Variants in ATP2B2 observed in about 807,000 individuals in gnomAD.
ATP2B2 encodes ATPase plasma membrane Ca2+ transporting 2.
In ATP2B2, 15 loss-of-function variants were observed where a neutral mutation model predicts 120.0. The observed-to-expected ratio is 0.12, with a 90% CI of 0.08 to 0.19. ATP2B2 has a LOEUF of 0.19. Among genes scored for constraint, ATP2B2 ranks in the 10% least tolerant of loss-of-function variants. The pLI, the probability that ATP2B2 is intolerant of heterozygous loss-of-function variation, is 1.00. For synonymous variants in ATP2B2, 694 were observed against 700.3 expected (o/e 0.99, Z 0.14); for missense variants, 1,045 against 1,719.8 (o/e 0.61, Z 6.94).
intron 1 of ATP2B2, among the ~76,000 whole-genome samples, chr3:10,671,301 G>T (rs1021118425): frequency 1.3e-5 from 2 of 152,192 alleles, no homozygotes; most frequent in African/African-American, 4.8e-5. Context: ...TTCAGCTATC[G>T]ACTGCTCTGT....
rs543791173 is a variant in ATP2B2 at position 10,662,043 on chromosome 3, C to G, written c.-459-42082G>C. Reference sequence around the variant, plus strand: ...AAATGGTGCCGGGAAAACTGGCTAGCCATATGTAGAAAGCTGAAACTGGAT... The same window carrying G: ...AAATGGTGCCGGGAAAACTGGCTAGGCATATGTAGAAAGCTGAAACTGGAT... On this transcript the variant is annotated intron_variant, in intron 1 of 21. Transcript: ENST00000646379. Among the ~76,000 whole-genome samples the G allele has an allele frequency of 5.3e-5, 8 of 152,200 alleles. No individual in the cohort carries two copies. The East Asian group carries it at 1.4e-3, about 26-fold the overall frequency.
intron 2 of ATP2B2, among the ~76,000 whole-genome samples, chr3:10,615,822 C>T (rs1373091375): frequency 6.6e-6 from 1 of 152,228 alleles, no homozygotes; most frequent in Non-Finnish European, 1.5e-5. Context: ...CTCACTTCTT[C>T]TCACTTCATG....
intron 2 of ATP2B2, among the ~76,000 whole-genome samples, chr3:10,414,421 G>A (rs1167923199): frequency 6.6e-6 from 1 of 152,124 alleles, no homozygotes; most frequent in African/African-American, 2.4e-5. Flanking sequence ...AGGTGTGGGG[G>A]TTGGGTGGGT....
At position 10,394,737 on chromosome 3, in the gene ATP2B2, C is replaced by T. The variant is rs2061977547; in HGVS notation, c.781+6216G>A. On this transcript the variant is annotated intron_variant, in intron 5 of 22. Transcript: ENST00000360273. ...GAGGGTTTACCGATGTCCTGCATGA[C>T]CTCATGCTGTTAGTGCTCTGGCTGG... 3.3e-5 allele frequency among the ~76,000 whole-genome samples: 5 copies of T among 151,690 alleles called. No homozygotes were observed. The South Asian group carries it at 1.1e-3, about 32-fold the overall frequency.
chr3:10,453,974 G>A (rs188695887), intron 1 of ATP2B2, among the ~76,000 whole-genome samples: 5 of 137,500 alleles, frequency 3.6e-5, no homozygotes, highest in African/African-American at 1.4e-4. Flanking sequence ...CCATGCACTC[G>A]CTCACTCACT....
intron 1 of ATP2B2, among the ~76,000 whole-genome samples, chr3:10,643,114 C>T (rs1212990059): frequency 6.6e-6 from 1 of 152,204 alleles, no homozygotes; most frequent in African/African-American, 2.4e-5. Context: ...AGGCATGTCA[C>T]AAGGACGCAA....
At chr3:10,487,303 C>T (rs1439320904) in intron 1 of ATP2B2, among the ~76,000 whole-genome samples, 7 of 152,048 alleles carry the variant, frequency 4.6e-5, no homozygotes, top group African/African-American at 1.7e-4. Flanking sequence ...CACAGATATA[C>T]ACCCCAAAAC....
chr3:10,330,970 G>GT (rs887412488), intron 22 of ATP2B2, among the ~76,000 whole-genome samples: 6 of 152,164 alleles, frequency 3.9e-5, no homozygotes, highest in Non-Finnish European at 8.8e-5. Flanking sequence ...GGATTGTCTT[G>GT]TTTTTTCTCC....
At chr3:10,358,592 T>G in intron 14 of ATP2B2, 99 bp downstream of exon 14, 1 of 1,154,384 alleles carries the variant, frequency 8.7e-7, no homozygotes, top group South Asian at 1.3e-5. Flanking sequence ...ATGTGGAAAC[T>G]GAGACTCAAA....
At chr3:10,489,293 C>T (rs533116299) in intron 1 of ATP2B2, among the ~76,000 whole-genome samples, 4 of 152,326 alleles carry the variant, frequency 2.6e-5, no homozygotes, top group South Asian at 2.1e-4. Context: ...TCCACCTGCT[C>T]GAATGCAAGC....
intron 2 of ATP2B2, among the ~76,000 whole-genome samples, chr3:10,596,775 C>G (rs1212708636): frequency 6.6e-6 from 1 of 152,206 alleles, no homozygotes; most frequent in Non-Finnish European, 1.5e-5. Context: ...AAGATGAAAA[C>G]TCTACAGCCA....
chr3:10,448,137 C>G (rs2063903857), intron 2 of ATP2B2, among the ~76,000 whole-genome samples: 1 of 152,212 alleles, frequency 6.6e-6, no homozygotes, highest in South Asian at 2.1e-4. Flanking sequence ...ACAGAGGAGA[C>G]AGGCTCCTTT....
rs747612637 is a variant in ATP2B2, at chr3:10,326,707, T to C, written c.*2107A>G. 3 of 398,942 alleles carry C rather than the reference T, an allele frequency of 7.5e-6. No homozygotes were observed. Among genetic ancestry groups the C allele is most frequent in the Non-Finnish European group, 1.3e-5 (3 of 226,076 alleles). 24.7% of individuals were successfully genotyped at this position (398,942 alleles called of 1,614,324 possible). The stretch of plus-strand genomic sequence containing the variant: ...TTCCTCTCCTGGATACATTCAGAGA[T>C]ACTTCTTCACGACATTCAGGTGATG... On this transcript the variant is annotated 3_prime_UTR_variant, in exon 23 of 23. Coordinates refer to ENST00000360273, the MANE Select transcript of ATP2B2 (RefSeq NM_001001331.4).
At chr3:10,572,288 G>C (rs1461793463) in intron 2 of ATP2B2, among the ~76,000 whole-genome samples, 2 of 152,302 alleles carry the variant, frequency 1.3e-5, no homozygotes, top group East Asian at 3.9e-4. Flanking sequence ...CATCAGTATG[G>C]CCACAGCTAA....
chr3:10,528,806 C>T (rs569346830), intron 3 of ATP2B2, among the ~76,000 whole-genome samples: 13 of 152,204 alleles, frequency 8.5e-5, no homozygotes, highest in Admixed American at 1.3e-4. Flanking sequence ...TTTAAAAATA[C>T]GGTTTAAGCA....
Position 10,375,773 on chromosome 3 carries a change from C to T in ATP2B2, c.1202-129G>A. The T allele has an allele frequency of 1.2e-6, 1 of 801,306 alleles. No homozygotes were observed. Among genetic ancestry groups the T allele is most frequent in the South Asian group, 1.5e-5 (1 of 64,528 alleles). 49.6% of individuals were successfully genotyped at this position (801,306 alleles called of 1,614,324 possible). ...AGCTCACCTCCCAGCTCTGCCACTC[C>T]TTGCTTTATGACCTGTGGCAAGTTC... On this transcript the variant is annotated intron_variant, in intron 10 of 22. Transcript: ENST00000360273. The surrounding 1 kb of genome is among the most constrained non-coding windows in gnomAD (Gnocchi z 4.2).
intron 1 of ATP2B2, among the ~76,000 whole-genome samples, chr3:10,643,681 G>T (rs2070237672): frequency 6.6e-6 from 1 of 152,140 alleles, no homozygotes; most frequent in Admixed American, 6.5e-5. Context: ...AAAGCACAGG[G>T]ATTATATTCT....
intron 2 of ATP2B2, among the ~76,000 whole-genome samples, chr3:10,551,440 T>G (rs992847154): frequency 9.9e-5 from 15 of 152,208 alleles, no homozygotes; most frequent in African/African-American, 3.4e-4. Context: ...TCACTGTCAG[T>G]GCTACTTGCA....
chr3:10,588,086 C>A (rs922018097), intron 2 of ATP2B2, among the ~76,000 whole-genome samples: 8 of 152,194 alleles, frequency 5.3e-5, no homozygotes, highest in African/African-American at 1.9e-4. Flanking sequence ...TTTGCAAATT[C>A]ATTCATTCAA....
Sources: gnomAD v4.1 joint callset for allele counts (sites outside exome capture counted in the v4.1 genomes callset) on GRCh38, gnomAD v4.1.1 for gene constraint, Gnocchi (gnomAD v3.1) non-coding constraint, MANE v1.5 for transcripts, NCBI Gene and HGNC (gene_info 2026-07-23, HGNC 2026-07-21) for gene names.